Variants in FAM20A observed in about 807,000 individuals in gnomAD.
The protein encoded by FAM20A is pseudokinase FAM20A.
In FAM20A, 42 loss-of-function variants were observed where a neutral mutation model predicts 52.0. The observed-to-expected ratio is 0.81, with a 90% CI of 0.63 to 1.04. The LOEUF is 1.04. Ranked by LOEUF, FAM20A falls within the 50% of genes least tolerant of loss-of-function variation. The pLI is 0.00. For synonymous variants in FAM20A, 304 were observed against 298.9 expected (o/e 1.02, Z -0.18); for missense variants, 742 against 712.7 (o/e 1.04, Z -0.47).
intron 1 of FAM20A, among the ~76,000 whole-genome samples, chr17:68,595,290 T>C (rs776167734): frequency 2.0e-5 from 3 of 152,160 alleles, no homozygotes; most frequent in Admixed American, 6.5e-5. Context: ...CTTTCTTGGA[T>C]GAATGACACT....
At position 68,575,696 on chromosome 17, in the gene FAM20A, A is replaced by ATATATAT. The variant is rs1395261707; in HGVS notation, c.405-19960_405-19954dup. Among the ~76,000 whole-genome samples, 27 of 119,836 alleles carry ATATATAT rather than the reference A, an allele frequency of 2.3e-4. No homozygotes were observed. In the South Asian group the frequency reaches 2.8e-3, roughly 12 times the overall value. The allele number at this position is 119,836 out of a possible 152,430, so 78.6% of individuals were successfully genotyped here. On this transcript the variant is annotated intron_variant, in intron 1 of 10. Transcript: ENST00000592554. ...ATATTATATTTTTATATTTTATATT[A>ATATATAT]TATATATTATATATTATATATTTTA...
intron 4 of FAM20A, among the ~76,000 whole-genome samples, chr17:68,544,168 A>G (rs1227957837): frequency 1.3e-5 from 2 of 152,162 alleles, no homozygotes; most frequent in Admixed American, 1.3e-4. Context: ...TGGCCCAGAA[A>G]TGCAACTTAG....
chr17:68,554,013 T>TAC (rs1480177240), intron 3 of FAM20A, among the ~76,000 whole-genome samples: 1 of 74,088 alleles, frequency 1.3e-5, no homozygotes, highest in Non-Finnish European at 2.4e-5. Context: ...TATGCATATA[T>TAC]ACATATATAC....
At position 68,543,614 on chromosome 17, in the gene FAM20A, G is replaced by A; in HGVS notation, c.812+15C>T. 6.2e-7 allele frequency: 1 copy of A among 1,612,512 alleles called. No individual in the cohort carries two copies. The highest frequency in any genetic ancestry group is 8.5e-7 in the Non-Finnish European group (1 of 1,178,564). On this transcript the variant is annotated intron_variant, in intron 5 of 10. Transcript: ENST00000592554. ...TCCTTATAGGCAATGCCATCTCCAT[G>A]GGGCCAGACCCTACCTGTCCAGATG...
intron 1 of FAM20A, among the ~76,000 whole-genome samples, chr17:68,597,341 A>G (rs2088482317): frequency 6.6e-6 from 1 of 151,660 alleles, no homozygotes. Flanking sequence ...TGCTGATACA[A>G]TTATTTTGGA....
chr17:68,580,198 G>T (rs1391247621), intron 1 of FAM20A, among the ~76,000 whole-genome samples: 2 of 152,250 alleles, frequency 1.3e-5, no homozygotes, highest in Non-Finnish European at 2.9e-5. Flanking sequence ...TGGCTGCAGA[G>T]AAACGAATGC....
At chr17:68,564,113 G>A (rs976957491) in intron 1 of FAM20A, among the ~76,000 whole-genome samples, 5 of 151,770 alleles carry the variant, frequency 3.3e-5, no homozygotes, top group South Asian at 4.2e-4. Flanking sequence ...TGCTAGTGTC[G>A]TTGCTATGAA....
chr17:68,581,410 CTTTCTTT>C (rs1198812428), intron 1 of FAM20A, among the ~76,000 whole-genome samples: 7 of 137,154 alleles, frequency 5.1e-5, no homozygotes, highest in African/African-American at 1.6e-4. Flanking sequence ...TTCTTTCTTT[CTTTCTTT>C]TTCTCTTTTC....
intron 1 of FAM20A, among the ~76,000 whole-genome samples, chr17:68,595,418 T>C (rs190572647): frequency 2.6e-5 from 4 of 152,334 alleles, no homozygotes; most frequent in Admixed American, 6.5e-5. Flanking sequence ...AACCATCTGC[T>C]TGAAGCTTTT....
rs1429233121 is a variant in FAM20A, at chr17:68,535,509, CTG to C, written c.*1966_*1967del. 7 of 453,948 alleles carry C rather than the reference CTG, an allele frequency of 1.5e-5. No individual in the cohort carries two copies. The highest frequency in any genetic ancestry group is 2.6e-5 in the Non-Finnish European group (6 of 226,792). The allele number at this position is 453,948 out of a possible 1,614,324, so 28.1% of individuals were successfully genotyped here. ...TTTTTACCCAGATATTTTCCCATTT[CTG>C]TGTGTGATCTCCTGGTTCTTCATCC... On this transcript the variant is annotated 3_prime_UTR_variant, in exon 11 of 11. Transcript: ENST00000592554.
rs538403299 is a variant in FAM20A at position 68,596,095 on chromosome 17, C to T, written c.404+4168G>A. Among the ~76,000 whole-genome samples, 61 of 152,288 alleles carry T rather than the reference C, an allele frequency of 4.0e-4. No homozygotes were observed. In the South Asian group the frequency reaches 7.7e-3, roughly 19 times the overall value. On this transcript the variant is annotated intron_variant, in intron 1 of 10. Transcript: ENST00000592554. ...TGTCATTTTTGAAAAGCTGCCCAGT[C>T]TCTTTGCGGTGATTTTCAAAGAGAG...
At chr17:68,568,563 G>A in intron 1 of FAM20A, among the ~76,000 whole-genome samples, 1 of 151,746 alleles carries the variant, frequency 6.6e-6, no homozygotes, top group Non-Finnish European at 1.5e-5. Context: ...GCACAATCAA[G>A]GTATTTTCAA....
At position 68,592,898 on chromosome 17, in the gene FAM20A, T is replaced by C. The variant is rs534735018; in HGVS notation, c.404+7365A>G. 7.9e-5 allele frequency among the ~76,000 whole-genome samples: 12 copies of C among 152,356 alleles called. No individual in the cohort carries two copies. The East Asian group carries it at 2.1e-3, about 27-fold the overall frequency. ...CTTTTCCCTGGGACTTGACTTTGCCTCTTGCTCAAGCCCGAGTCTACTGGC... is the reference window on the plus strand; with the variant it reads ...CTTTTCCCTGGGACTTGACTTTGCCCCTTGCTCAAGCCCGAGTCTACTGGC... On this transcript the variant is annotated intron_variant, in intron 1 of 10. Transcript: ENST00000592554.
rs767656589 is a variant in FAM20A at position 68,600,312 on chromosome 17, T to A, written c.355A>T (p.Ser119Cys). 6.3e-7 allele frequency: 1 copy of A among 1,587,492 alleles called. No individual in the cohort carries two copies. Among genetic ancestry groups the A allele is most frequent in the South Asian group, 1.1e-5 (1 of 87,012 alleles). Residue 119 changes from serine to cysteine, a missense_variant, in exon 1 of 11, where the codon AGC (serine) becomes TGC (cysteine). By Grantham distance (112) the Ser-to-Cys change is moderately radical. Transcript: ENST00000592554. The surrounding 1 kb of genome is among the most constrained non-coding windows in gnomAD (Gnocchi z 6.2). ...LLGAEDSLLA[S>C]QEALRYYRRK... ...CGGTAATACCGCAGCGCCTCCTGGC[T>A]GGCCAGGAGCGAGTCCTCGGCTCCC...
intron 1 of FAM20A, among the ~76,000 whole-genome samples, chr17:68,598,423 G>C (rs141515276): frequency 1.7e-3 from 253 of 152,316 alleles, no homozygotes; most frequent in African/African-American, 5.7e-3. Flanking sequence ...CTGAGGTCCA[G>C]TTTTAACATT....
chr17:68,550,939 C>A (rs952701289), intron 4 of FAM20A: 15 of 579,622 alleles, frequency 2.6e-5, no homozygotes, highest in Non-Finnish European at 3.3e-5. Context: ...GAACCATCTA[C>A]TGGGGCTCTC....
At position 68,541,982 on chromosome 17, in the gene FAM20A, C is replaced by A. The variant is rs1220384973; in HGVS notation, c.1109+3G>T. The A allele has an allele frequency of 1.9e-6, 3 of 1,612,610 alleles. No individual in the cohort carries two copies. The highest frequency in any genetic ancestry group is 1.7e-6 in the Non-Finnish European group (2 of 1,179,086). The stretch of plus-strand genomic sequence containing the variant: ...GGGCTGTGTGGCCTGGGGACCAACT[C>A]ACTCCTCTTTTCCTGCCAGTGTGTA... On this transcript the variant is annotated splice_donor_region_variant and intron_variant, in intron 7 of 10. Coordinates refer to ENST00000592554, the MANE Select transcript of FAM20A (RefSeq NM_017565.4).
intron 4 of FAM20A, among the ~76,000 whole-genome samples, chr17:68,549,251 T>C (rs1000180879): frequency 6.6e-6 from 1 of 152,094 alleles, no homozygotes; most frequent in Admixed American, 6.5e-5. Flanking sequence ...TCCCAGCACA[T>C]TGGGAGGCCA....
chr17:68,546,539 T>G (rs1342041312), intron 4 of FAM20A, among the ~76,000 whole-genome samples: 1 of 152,024 alleles, frequency 6.6e-6, no homozygotes, highest in Non-Finnish European at 1.5e-5. Flanking sequence ...TTTCTTAAAT[T>G]GTAAGACTTG....
Sources: gnomAD v4.1 joint callset for allele counts (sites outside exome capture counted in the v4.1 genomes callset) on GRCh38, gnomAD v4.1.1 for gene constraint, Gnocchi (gnomAD v3.1) non-coding constraint, MANE v1.5 for transcripts, NCBI Gene and HGNC (gene_info 2026-07-23, HGNC 2026-07-21) for gene names.